GPC5: variants seen among roughly 807,000 people sequenced by gnomAD.
The protein encoded by GPC5 is glypican-5.
A neutral mutation model predicts 53.9 loss-of-function variants in GPC5; 47 were observed. The ratio of observed to expected loss-of-function variants is 0.87; its 90% confidence interval spans 0.69 to 1.11. The LOEUF (loss-of-function observed/expected upper bound fraction) is 1.11. GPC5 is among the 50% of genes most tolerant of loss of function. GPC5 has a pLI of 0.00. For missense variants in GPC5, 748 were observed against 713.1 expected (o/e 1.05, Z -0.56); for synonymous variants, 286 against 263.3 (o/e 1.09, Z -0.84).
At chr13:92,247,870 T>C (rs1594034982) in intron 7 of GPC5, among the ~76,000 whole-genome samples, 2 of 152,278 alleles carry the variant, frequency 1.3e-5, no homozygotes, top group Middle Eastern at 6.8e-3. Flanking sequence ...TGATCCATAT[T>C]ATGTGACTTA....
intron 6 of GPC5, among the ~76,000 whole-genome samples, chr13:91,999,248 G>T (rs1186224907): frequency 6.6e-6 from 1 of 151,672 alleles, no homozygotes; most frequent in South Asian, 2.1e-4. Context: ...CTCCAGTAAA[G>T]CTTAATGCAG....
intron 7 of GPC5, among the ~76,000 whole-genome samples, chr13:92,841,928 G>A (rs1878443306): frequency 6.6e-6 from 1 of 152,028 alleles, no homozygotes; most frequent in Non-Finnish European, 1.5e-5. Flanking sequence ...TGAATTGGTA[G>A]CATGATTTAG....
chr13:92,360,539 C>T (rs1012025502), intron 7 of GPC5, among the ~76,000 whole-genome samples: 2 of 151,260 alleles, frequency 1.3e-5, no homozygotes, highest in Admixed American at 1.3e-4. Flanking sequence ...TGGGTAAAAG[C>T]TGGAAGAATT....
At chr13:92,613,402 T>TATAAA (rs1491438945) in intron 7 of GPC5, among the ~76,000 whole-genome samples, 1 of 80,114 alleles carries the variant, frequency 1.2e-5, no homozygotes, top group African/African-American at 5.5e-5. Context: ...TAAATATATA[T>TATAAA]TATATTATAT....
intron 7 of GPC5, among the ~76,000 whole-genome samples, chr13:92,503,027 C>T (rs1566618560): frequency 6.6e-6 from 1 of 151,912 alleles, no homozygotes; most frequent in Non-Finnish European, 1.5e-5. Flanking sequence ...ACAAAGATAA[C>T]AGGAACACCT....
chr13:92,473,143 T>G, intron 7 of GPC5, among the ~76,000 whole-genome samples: 1 of 152,096 alleles, frequency 6.6e-6, no homozygotes, highest in Non-Finnish European at 1.5e-5. Context: ...AACCACATAT[T>G]TTCATCCATC....
intron 7 of GPC5, among the ~76,000 whole-genome samples, chr13:92,617,332 C>T (rs1455429384): frequency 1.3e-5 from 2 of 152,184 alleles, no homozygotes; most frequent in African/African-American, 2.4e-5. Flanking sequence ...AACAATCCAG[C>T]ATTCAGTTCC....
intron 6 of GPC5, among the ~76,000 whole-genome samples, chr13:91,968,065 A>G (rs1002009269): frequency 6.6e-6 from 1 of 151,938 alleles, no homozygotes; most frequent in Non-Finnish European, 1.5e-5. Context: ...ATTAACTTTC[A>G]TTTGCTGTAT....
At chr13:91,938,421 C>G (rs1411277310) in intron 6 of GPC5, among the ~76,000 whole-genome samples, 1 of 152,140 alleles carries the variant, frequency 6.6e-6, no homozygotes, top group Non-Finnish European at 1.5e-5. Flanking sequence ...AGCATCCACC[C>G]TCATGACCCA....
chr13:92,190,422 A>G (rs1013249854), intron 7 of GPC5, among the ~76,000 whole-genome samples: 12 of 152,138 alleles, frequency 7.9e-5, no homozygotes, highest in African/African-American at 2.7e-4. Context: ...ATCAAAGTAA[A>G]ATTTGAAAAA....
intron 5 of GPC5, among the ~76,000 whole-genome samples, chr13:91,867,209 C>T (rs1321584943): frequency 6.6e-6 from 1 of 152,160 alleles, no homozygotes. Context: ...GAGTGAAACT[C>T]TGTCTCAAAA....
chr13:92,280,946 A>T (rs1223352176), intron 7 of GPC5, among the ~76,000 whole-genome samples: 2 of 152,202 alleles, frequency 1.3e-5, no homozygotes, highest in Non-Finnish European at 2.9e-5. Flanking sequence ...AAGCAGGGCA[A>T]GGCATCGCCT....
chr13:91,884,777 G>A (rs2039304531), intron 5 of GPC5, among the ~76,000 whole-genome samples: 4 of 152,116 alleles, frequency 2.6e-5, no homozygotes, highest in Admixed American at 2.6e-4. Flanking sequence ...TTCAAATGTG[G>A]TCAGAATCTG....
chr13:92,490,069 A>G (rs1481309038), intron 7 of GPC5: 1 of 153,816 alleles, frequency 6.5e-6, no homozygotes. Context: ...TAAAAAATTT[A>G]TCTATAATGT....
At chr13:92,865,559 G>A (rs1000435807) in intron 7 of GPC5, among the ~76,000 whole-genome samples, 1 of 152,060 alleles carries the variant, frequency 6.6e-6, no homozygotes, top group African/African-American at 2.4e-5. Flanking sequence ...TAGACAGGAG[G>A]AAGAAATGTT....
intron 7 of GPC5, among the ~76,000 whole-genome samples, chr13:92,299,955 A>T (rs2139196095): frequency 6.6e-6 from 1 of 152,294 alleles, no homozygotes; most frequent in African/African-American, 2.4e-5. Context: ...ATGTTCTGTA[A>T]GGAGTGTTCC....
intron 2 of GPC5, among the ~76,000 whole-genome samples, chr13:91,666,939 A>G (rs1317632823): frequency 6.6e-6 from 1 of 152,206 alleles, no homozygotes; most frequent in East Asian, 1.9e-4. Flanking sequence ...TAGATTAGCC[A>G]AAACAATTTT....
intron 5 of GPC5, among the ~76,000 whole-genome samples, chr13:91,906,142 G>C (rs1047908973): frequency 1.3e-5 from 2 of 152,010 alleles, no homozygotes; most frequent in African/African-American, 4.8e-5. Flanking sequence ...CCTATCCATT[G>C]CTTTCCACCA....
chr13:91,667,465 T>G (rs936818982), intron 2 of GPC5, among the ~76,000 whole-genome samples: 31 of 152,342 alleles, frequency 2.0e-4, no homozygotes, highest in African/African-American at 7.2e-4. Context: ...GAAGTCAGCT[T>G]GGCCTCAACC....
Sources: gnomAD v4.1 joint callset for allele counts (sites outside exome capture counted in the v4.1 genomes callset) on GRCh38, gnomAD v4.1.1 for gene constraint, MANE v1.5 for transcripts, NCBI Gene and HGNC (gene_info 2026-07-23, HGNC 2026-07-21) for gene names.